Variants in EP300 observed in about 807,000 individuals in gnomAD.
EP300 encodes the protein histone acetyltransferase p300.
Under a neutral mutation model 264.0 loss-of-function variants are expected in EP300, and 31 were observed. That is an observed-to-expected ratio of 0.12 (90% CI 0.09 to 0.16). EP300 has a LOEUF of 0.16. Ranked by LOEUF, EP300 falls within the 10% of genes least tolerant of loss-of-function variation. EP300 has a pLI of 1.00. For missense variants in EP300, 2,766 were observed against 3,052.9 expected, an observed-to-expected ratio of 0.91 and a Z score of 2.21; for synonymous variants, 1,340 against 1,045.4, an observed-to-expected ratio of 1.28 and a Z score of -5.44.
At chr22:41,136,331 TC>T (rs1488614688) in intron 7 of EP300, among the ~76,000 whole-genome samples, 3 of 152,234 alleles carry the variant, frequency 2.0e-5, no homozygotes, top group Non-Finnish European at 4.4e-5. Flanking sequence ...GCCCACTCTT[TC>T]TTCTTTCTAC....
chr22:41,123,318 C>G (rs1332815449), intron 2 of EP300, among the ~76,000 whole-genome samples: 1 of 151,946 alleles, frequency 6.6e-6, no homozygotes, highest in African/African-American at 2.4e-5. Context: ...GCTCAAGGAG[C>G]GTGATACTTT....
intron 2 of EP300, among the ~76,000 whole-genome samples, chr22:41,118,852 C>A (rs1343468351): frequency 6.6e-6 from 1 of 151,372 alleles, no homozygotes; most frequent in Non-Finnish European, 1.5e-5. Context: ...GAATTGAAGA[C>A]AGATGGACAA....
chr22:41,136,843 T>C (rs2058953766), intron 7 of EP300, among the ~76,000 whole-genome samples: 1 of 151,344 alleles, frequency 6.6e-6, no homozygotes, highest in Non-Finnish European at 1.5e-5. Context: ...GCAGATTGCT[T>C]GATCTTAGAA....
Position 41,119,172 on chromosome 22 carries a change from A to ATTTT in EP300, c.729+1353_729+1354insTTTT, listed in dbSNP as rs796885809. Among the ~76,000 whole-genome samples, 922 of 107,052 alleles carry ATTTT rather than the reference A, an allele frequency of 8.6e-3. 91 individuals carry two copies. The highest frequency in any genetic ancestry group is 0.032 in the African/African-American group (735 of 22,856). 70.2% of individuals were successfully genotyped at this position (107,052 alleles called of 152,430 possible). A position where few individuals can be genotyped will look rare whatever the true frequency, so the allele number is the denominator to read the frequency against. ...CACATACCACCATGCCTGGCTTATT[A>ATTTT]TTATTTTTTTTTTTTTTTTTTTTTT... On this transcript the variant is annotated intron_variant, in intron 2 of 30. Coordinates refer to ENST00000263253, the MANE Select transcript of EP300 (RefSeq NM_001429.4).
rs2145715894 is a variant in EP300, at chr22:41,131,618, C to T, written c.1513C>T (p.Pro505Ser). ...TGGGCAGTCTCCCCAAGGCATGCGGCCCATGAGCAACATGAGTAAGTTTGT... is the reference window on the plus strand; with the variant it reads ...TGGGCAGTCTCCCCAAGGCATGCGGTCCATGAGCAACATGAGTAAGTTTGT... ...QPGQSPQGMR[P>S]MSNMSASPMG... The change falls in exon 6 of 31, where the codon CCC becomes TCC. Residue 505 changes from proline (P) to serine (S), a missense_variant. Coordinates refer to ENST00000263253, the MANE Select transcript of EP300 (RefSeq NM_001429.4). 1.2e-6 allele frequency: 2 copies of T among 1,614,134 alleles called. No homozygotes were observed. Among genetic ancestry groups the T allele is most frequent in the Non-Finnish European group, 1.7e-6 (2 of 1,180,034 alleles).
intron 26 of EP300, 47 bp downstream of exon 26, chr22:41,169,663 T>G (rs765900116): frequency 9.0e-7 from 1 of 1,115,576 alleles, no homozygotes; most frequent in Admixed American, 1.7e-5. Flanking sequence ...TAGCATGGCA[T>G]TCTGGTGAGA....
chr22:41,114,694 C>T (rs1601596618), intron 1 of EP300, among the ~76,000 whole-genome samples: 2 of 152,034 alleles, frequency 1.3e-5, no homozygotes, highest in Admixed American at 6.6e-5. Context: ...ACATGTCCTT[C>T]GCGAAGAATG....
chr22:41,119,178 T>TTA (rs1555906149), intron 2 of EP300, among the ~76,000 whole-genome samples: 1 of 35,570 alleles, frequency 2.8e-5, no homozygotes, highest in Admixed American at 4.5e-4. Context: ...TATTATTATT[T>TTA]TTTTTTTTTT....
chr22:41,151,102 G>A (rs1162679555), intron 14 of EP300, among the ~76,000 whole-genome samples: 4 of 151,834 alleles, frequency 2.6e-5, no homozygotes, highest in South Asian at 2.1e-4. Flanking sequence ...CTTTGATACC[G>A]ATATTAATAT....
At chr22:41,122,740 T>G (rs932172603) in intron 2 of EP300, among the ~76,000 whole-genome samples, 1 of 152,084 alleles carries the variant, frequency 6.6e-6, no homozygotes, top group African/African-American at 2.4e-5. Context: ...TTGCAGAGTA[T>G]AGATATTGCA....
At chr22:41,119,459 G>A (rs2058840460) in intron 2 of EP300, among the ~76,000 whole-genome samples, 1 of 152,024 alleles carries the variant, frequency 6.6e-6, no homozygotes, top group African/African-American at 2.4e-5. Context: ...CCTTGCCACC[G>A]ATGTTTATAT....
chr22:41,140,868 CTG>C (rs1327213456), intron 9 of EP300, among the ~76,000 whole-genome samples, 178 bp from the exon 10 acceptor site: 2 of 152,206 alleles, frequency 1.3e-5, no homozygotes, highest in Non-Finnish European at 2.9e-5. Context: ...AGCGACTTAA[CTG>C]TTGTTCACGG....
At position 41,141,187 on chromosome 22, in the gene EP300, C is replaced by T. The variant is rs2145726375; in HGVS notation, c.2018C>T (p.Pro673Leu). The T allele has an allele frequency of 6.2e-7, 1 of 1,614,160 alleles. No individual in the cohort carries two copies. The highest frequency in any genetic ancestry group is 8.5e-7 in the Non-Finnish European group (1 of 1,180,030). The part of the protein sequence containing the change: ...GMVPVSMNPG[P>L]NMGQPQPGMT... ...GTTCCAGTTTCCATGAATCCAGGGC[C>T]TAACATGGGACAGCCGCAACCAGGA... The change falls in exon 10 of 31, where the codon CCT (proline) becomes CTT (leucine). Residue 673 changes from proline to leucine, a missense_variant. Pro to Leu is a moderately conservative substitution (Grantham distance 98). Transcript: ENST00000263253.
chr22:41,154,576 A>G (rs2145743799), intron 16 of EP300, among the ~76,000 whole-genome samples: 1 of 151,878 alleles, frequency 6.6e-6, no homozygotes, highest in South Asian at 2.1e-4. Flanking sequence ...ACGAGGTTTC[A>G]CCATGTTGGC....
chr22:41,165,347 C>T (rs1281983494), intron 22 of EP300, among the ~76,000 whole-genome samples: 1 of 152,188 alleles, frequency 6.6e-6, no homozygotes, highest in Non-Finnish European at 1.5e-5. Context: ...TAAAAAGCGA[C>T]GGTCTCAGCT....
intron 10 of EP300, among the ~76,000 whole-genome samples, chr22:41,143,701 C>G (rs1157047407): frequency 1.3e-5 from 2 of 152,030 alleles, no homozygotes; most frequent in African/African-American, 4.8e-5. Flanking sequence ...TCAGCATCCC[C>G]AGCAGCTGGA....
intron 16 of EP300, among the ~76,000 whole-genome samples, chr22:41,153,990 C>T (rs1040452414): frequency 6.6e-6 from 1 of 152,140 alleles, no homozygotes; most frequent in Non-Finnish European, 1.5e-5. Flanking sequence ...TTTTAAATCA[C>T]TGGCTTCTCA....
At chr22:41,158,845 CTT>C (rs2059092077) in intron 19 of EP300, 1 of 268,576 alleles carries the variant, frequency 3.7e-6, no homozygotes, top group East Asian at 8.4e-5. Flanking sequence ...GATTTTTAAA[CTT>C]TTAACTGAAA....
rs1243713911 is a variant in EP300, at chr22:41,127,553, T to A, written c.973T>A (p.Ser325Thr). 6.2e-7 allele frequency: 1 copy of A among 1,614,104 alleles called. No individual in the cohort carries two copies. The highest frequency in any genetic ancestry group is 1.3e-5 in the African/African-American group (1 of 74,934). ...LVTPVAQGMG[S>T]GAHTADPEKR... Reference sequence around the variant, plus strand: ...GACTCCAGTTGCCCAAGGGATGGGTTCTGGAGCACATACAGCTGATCCAGA... The same window carrying A: ...GACTCCAGTTGCCCAAGGGATGGGTACTGGAGCACATACAGCTGATCCAGA... The change falls in exon 4 of 31, where the codon TCT becomes ACT. Residue 325 changes from serine (S) to threonine (T), a missense_variant. Ser to Thr is a moderately conservative substitution (Grantham distance 58). Coordinates refer to ENST00000263253, the MANE Select transcript of EP300 (RefSeq NM_001429.4).
Sources: allele counts gnomAD v4.1 joint callset (sites outside exome capture counted in the v4.1 genomes callset), GRCh38; gene constraint gnomAD v4.1.1; transcripts MANE v1.5; gene names NCBI Gene and HGNC (gene_info 2026-07-23, HGNC 2026-07-21).